The following EOGT variants were observed in gnomAD, a reference collection of about 807,000 sequenced individuals.
The protein encoded by EOGT is EGF domain specific O-linked N-acetylglucosamine transferase.
A neutral mutation model predicts 70.5 loss-of-function variants in EOGT; 55 were observed. That is an observed-to-expected ratio of 0.78 (90% CI 0.63 to 0.98). The LOEUF is 0.98. EOGT is among the 50% of genes least tolerant of loss of function. The pLI is 0.00. For synonymous variants in EOGT, 246 were observed against 217.1 expected, an observed-to-expected ratio of 1.13 and a Z score of -1.17; for missense variants, 703 against 641.9, an observed-to-expected ratio of 1.10 and a Z score of -1.03.
intron 11 of EOGT, 41 bp from the exon 12 acceptor site, chr3:68,988,618 C>T (rs1452899329): frequency 1.6e-6 from 2 of 1,238,118 alleles, no homozygotes; most frequent in African/African-American, 1.5e-5. Flanking sequence ...TAATTTGCAC[C>T]CTTCACACCA....
chr3:68,997,906 A>G (rs1047803229), intron 10 of EOGT, 105 bp downstream of exon 10: 4 of 687,782 alleles, frequency 5.8e-6, no homozygotes, highest in Non-Finnish European at 1.0e-5. Flanking sequence ...GCGGCTGTAC[A>G]TGTTGAAATA....
At position 69,010,870 on chromosome 3, in the gene EOGT, C is replaced by T. The variant is rs1269777029; in HGVS notation, c.-14-1010G>A. ...ATGAGCACAGACAATGTTCCAGGAG[C>T]GCTTCTGTACTCAGGATACAGCAAT... On this transcript the variant is annotated intron_variant, in intron 3 of 17. Transcript: ENST00000383701. Among the ~76,000 whole-genome samples, 5 of 152,220 alleles carry T rather than the reference C, an allele frequency of 3.3e-5. No homozygotes were observed. The East Asian group carries it at 7.7e-4, about 24-fold the overall frequency.
At chr3:69,010,981 T>C (rs1414359408) in intron 3 of EOGT, among the ~76,000 whole-genome samples, 3 of 152,130 alleles carry the variant, frequency 2.0e-5, no homozygotes, top group African/African-American at 7.2e-5. Context: ...AGCTAAGACT[T>C]AGAAACTCCA....
rs2090456068 is a variant in EOGT at position 68,975,710 on chromosome 3, T to A, written c.*1908A>T. ...CCATAACATGTTGTAATTCTTCTTA[T>A]GTGATTTTAAGGTCTGAATCAAAGC... On this transcript the variant is annotated 3_prime_UTR_variant, in exon 18 of 18. Transcript: ENST00000383701. 6.6e-6 allele frequency: 1 copy of A among 152,222 alleles called. No homozygotes were observed. Among genetic ancestry groups the A allele is most frequent in the African/African-American group, 2.4e-5 (1 of 41,464 alleles). 9.4% of individuals were successfully genotyped at this position (152,222 alleles called of 1,614,324 possible). A position where few individuals can be genotyped will look rare whatever the true frequency, so the allele number is the denominator to read the frequency against.
chr3:68,990,260 C>T lies in EOGT; in HGVS notation c.832-1243G>A, dbSNP rs13073985. On this transcript the variant is annotated intron_variant, in intron 10 of 17. Transcript: ENST00000383701. ...ATTGCGAAGCAGCTGAGTTATAGAG[C>T]TGGTATTCAACCCAGCCTGTGCTGC... Among the ~76,000 whole-genome samples the T allele has an allele frequency of 2.0e-5, 3 of 151,980 alleles. No homozygotes were observed. The East Asian group carries it at 5.8e-4, about 29-fold the overall frequency.
At chr3:69,004,548 T>A in intron 7 of EOGT, 66 bp from the exon 8 acceptor site, 3 of 1,044,342 alleles carry the variant, frequency 2.9e-6, no homozygotes, top group Non-Finnish European at 4.4e-6. Flanking sequence ...ACGTGGGTTG[T>A]AACTAAAGTG....
intron 10 of EOGT, among the ~76,000 whole-genome samples, chr3:68,997,555 A>G (rs536163047): frequency 2.8e-4 from 42 of 152,060 alleles, no homozygotes; most frequent in Non-Finnish European, 5.3e-4. Context: ...TTTTAGTAGA[A>G]ACAAGATTTC....
intron 6 of EOGT, among the ~76,000 whole-genome samples, chr3:69,006,793 T>C (rs1052055688): frequency 3.3e-5 from 5 of 152,202 alleles, no homozygotes; most frequent in Non-Finnish European, 7.3e-5. Context: ...AGGTACGATA[T>C]GGTATGGTTG....
chr3:69,011,873 T>A (rs2107421962), intron 3 of EOGT, 63 bp downstream of exon 3: 1 of 152,324 alleles, frequency 6.6e-6, no homozygotes, highest in Middle Eastern at 3.4e-3. Flanking sequence ...ACAGCAGTTT[T>A]ATAAAAATTT....
intron 15 of EOGT, among the ~76,000 whole-genome samples, chr3:68,982,579 T>A (rs548080998): frequency 6.3e-4 from 96 of 152,324 alleles, no homozygotes; most frequent in Admixed American, 2.6e-4. Context: ...TCTGAATTCA[T>A]CACTTCTTTT....
chr3:69,003,436 A>G (rs899626397), intron 8 of EOGT, among the ~76,000 whole-genome samples: 4 of 152,018 alleles, frequency 2.6e-5, no homozygotes, highest in African/African-American at 4.8e-5. Context: ...TGTTCTCAAG[A>G]TCTGATAGTT....
intron 15 of EOGT, among the ~76,000 whole-genome samples, chr3:68,982,521 A>AAAACAAAC (rs769683131): frequency 2.6e-5 from 4 of 152,142 alleles, no homozygotes; most frequent in African/African-American, 9.7e-5. Flanking sequence ...TTCTGTCTCA[A>AAAACAAAC]AAACAAACAA....
intron 8 of EOGT, among the ~76,000 whole-genome samples, chr3:69,002,985 C>T (rs2091338473): frequency 6.6e-6 from 1 of 152,070 alleles, no homozygotes; most frequent in Non-Finnish European, 1.5e-5. Context: ...GGACATTTGA[C>T]CTTACAAATT....
intron 10 of EOGT, 41 bp downstream of exon 10, chr3:68,997,970 G>A (rs1421072506): frequency 3.4e-6 from 4 of 1,164,178 alleles, no homozygotes; most frequent in Non-Finnish European, 5.0e-6. Context: ...ACTGATACAA[G>A]GGAAAGACAG....
At chr3:68,996,558 A>AAAGTCC (rs2091153625) in intron 10 of EOGT, among the ~76,000 whole-genome samples, 2 of 152,118 alleles carry the variant, frequency 1.3e-5, no homozygotes, top group African/African-American at 2.4e-5. Flanking sequence ...GATCCTGGGG[A>AAAGTCC]CTTTGCCAAC....
At chr3:68,996,531 G>C (rs1352345025) in intron 10 of EOGT, among the ~76,000 whole-genome samples, 1 of 152,212 alleles carries the variant, frequency 6.6e-6, no homozygotes, top group African/African-American at 2.4e-5. Context: ...CCTGGAACCA[G>C]GCATGTCTCT....
At chr3:68,977,845 G>C in intron 17 of EOGT, 81 bp from the exon 18 acceptor site, 1 of 1,409,000 alleles carries the variant, frequency 7.1e-7, no homozygotes. Context: ...ATGTTACTTT[G>C]GTTAAGGCAA....
rs1182802440 is a variant in EOGT, at chr3:68,988,335, T to G, written c.1043A>C (p.His348Pro). The G allele has an allele frequency of 2.0e-6, 3 of 1,536,002 alleles. No individual in the cohort carries two copies. The highest frequency in any genetic ancestry group is 2.6e-6 in the Non-Finnish European group (3 of 1,146,892). ...TGTGATGTTTAGTCTGTGTAGTACA[T>G]GCTGGGCAAATGCCCTGAATAGTCC... is the stretch of plus-strand genomic sequence containing the variant. ...NTGLFRAFAQ[H>P]VLHRLNITQE... The change falls in exon 13 of 18, where the codon CAT (histidine) becomes CCT (proline). Residue 348 changes from histidine (H) to proline (P), a missense_variant. By Grantham distance (77) the His-to-Pro change is moderately conservative (BLOSUM62 -2). Transcript: ENST00000383701.
chr3:68,989,100 T>C (rs1348019713), intron 10 of EOGT, 83 bp from the exon 11 acceptor site: 13 of 747,266 alleles, frequency 1.7e-5, no homozygotes, highest in East Asian at 5.8e-5. Flanking sequence ...ATACCTGAAT[T>C]TGCCTGTGTT....
Sources: allele counts gnomAD v4.1 joint callset (sites outside exome capture counted in the v4.1 genomes callset), GRCh38; gene constraint gnomAD v4.1.1; transcripts MANE v1.5; gene names NCBI Gene and HGNC (gene_info 2026-07-23, HGNC 2026-07-21).